The following PPP1R21 variants were observed in gnomAD, a reference collection of about 807,000 sequenced individuals.
The protein encoded by PPP1R21 is KLRAQ motif containing 1.
A neutral mutation model predicts 112.8 loss-of-function variants in PPP1R21; 85 were observed. The ratio of observed to expected loss-of-function variants is 0.75; its 90% CI spans 0.63 to 0.90. PPP1R21 has a LOEUF of 0.90. PPP1R21 is among the 40% of genes least tolerant of loss of function. The pLI, the probability that PPP1R21 is intolerant of heterozygous loss-of-function variation, is 0.00. For synonymous variants in PPP1R21, 381 were observed against 322.3 expected (o/e 1.18, Z -1.95); for missense variants, 1,199 against 901.5 (o/e 1.33, Z -4.23).
At chr2:48,485,453 A>G (rs758283718) in intron 13 of PPP1R21, among the ~76,000 whole-genome samples, 1 of 152,196 alleles carries the variant, frequency 6.6e-6, no homozygotes, top group Admixed American at 6.5e-5. Flanking sequence ...CTTTTCTGTG[A>G]CAACTGTACC....
chr2:48,488,640 T>C lies in PPP1R21; in HGVS notation c.1446+1882T>C, dbSNP rs544304814. On this transcript the variant is annotated intron_variant, in intron 14 of 21. Transcript: ENST00000294952. ...ATTAAATACTTGCATACGTCATAGT[T>C]TATTTTAGCTTTACTTTGCCTGAAA... 3.9e-5 allele frequency among the ~76,000 whole-genome samples: 6 copies of C among 152,294 alleles called. No individual in the cohort carries two copies. In the South Asian group the frequency reaches 6.2e-4, roughly 16 times the overall value.
At chr2:48,442,238 T>C (rs1667061464) in intron 1 of PPP1R21, among the ~76,000 whole-genome samples, 1 of 152,206 alleles carries the variant, frequency 6.6e-6, no homozygotes, top group African/African-American at 2.4e-5. Context: ...TTGGCAATGC[T>C]CAAATTTGGC....
intron 1 of PPP1R21, among the ~76,000 whole-genome samples, chr2:48,444,530 T>C (rs1475696757): frequency 6.6e-6 from 1 of 152,258 alleles, no homozygotes; most frequent in Non-Finnish European, 1.5e-5. Flanking sequence ...TTTAGCCTGC[T>C]TTCTTTGCGG....
intron 18 of PPP1R21, among the ~76,000 whole-genome samples, chr2:48,506,992 A>T (rs1670411190): frequency 6.6e-6 from 1 of 150,638 alleles, no homozygotes; most frequent in East Asian, 2.0e-4. Flanking sequence ...TAAAAGCTGG[A>T]TGGAGGGGCA....
intron 9 of PPP1R21, among the ~76,000 whole-genome samples, chr2:48,466,973 C>T (rs1311780423): frequency 1.3e-5 from 2 of 152,062 alleles, no homozygotes; most frequent in Non-Finnish European, 2.9e-5. Flanking sequence ...GCTTTTTGAT[C>T]GGGGGTGACA....
At chr2:48,473,629 A>C (rs1429148488) in intron 11 of PPP1R21, among the ~76,000 whole-genome samples, 1 of 152,216 alleles carries the variant, frequency 6.6e-6, no homozygotes, top group Non-Finnish European at 1.5e-5. Context: ...GTTTAGTAGT[A>C]AATGGGCTTA....
intron 19 of PPP1R21, among the ~76,000 whole-genome samples, chr2:48,507,912 C>T (rs1394237733): frequency 6.6e-6 from 1 of 150,842 alleles, no homozygotes; most frequent in Non-Finnish European, 1.5e-5. Flanking sequence ...ATTACAGGCA[C>T]CCGCCATCAT....
rs767345074 is a variant in PPP1R21 at position 48,458,146 on chromosome 2, T to A, written c.294T>A (p.Ser98=). Residue 98 remains serine, a synonymous_variant, in exon 4 of 22, where the codon TCT becomes TCA. Coordinates refer to ENST00000294952, the MANE Select transcript of PPP1R21 (RefSeq NM_001135629.3). ...KKNKKSGESS[S]QLSQEQKSVF... ...ATCAGAAAAGTGGAGAATCTTCTTCTCAGTTGAGTCAAGAGCAGAAGAGTG... is the reference window on the plus strand; with the variant it reads ...ATCAGAAAAGTGGAGAATCTTCTTCACAGTTGAGTCAAGAGCAGAAGAGTG... The A allele has an allele frequency of 6.2e-7, 1 of 1,611,556 alleles. No homozygotes were observed.
At chr2:48,479,815 C>G in intron 12 of PPP1R21, 109 bp from the exon 13 acceptor site, 4 of 747,824 alleles carry the variant, frequency 5.3e-6, no homozygotes, top group Non-Finnish European at 9.6e-6. Context: ...GGCATTATTT[C>G]TAGCACATTA....
Position 48,510,116 on chromosome 2 carries a change from G to A in PPP1R21, c.2184+3G>A, listed in dbSNP as rs375237747. On this transcript the variant is annotated splice_donor_region_variant and intron_variant, in intron 20 of 21. Transcript: ENST00000294952. ...GTCAGAACATCAGCAGACTTCAGGT[G>A]AGTTAAGTGTTACCTGAATGGTTTT... 5.6e-6 allele frequency: 9 copies of A among 1,605,286 alleles called. No individual in the cohort carries two copies. The highest frequency in any genetic ancestry group is 4.0e-5 in the African/African-American group (3 of 74,718).
In PPP1R21 at chr2:48,441,589, C is replaced by T; in HGVS notation, c.57+579C>T. 2 of 157,608 alleles carry T rather than the reference C, an allele frequency of 1.3e-5. 1 individual carries two copies. 9.8% of individuals were successfully genotyped at this position (157,608 alleles called of 1,614,324 possible). A position where few individuals can be genotyped will look rare whatever the true frequency, so the allele number is the denominator to read the frequency against. The stretch of plus-strand genomic sequence containing the variant: ...GAAAGCTTGAGTGCTACGGCTCTAT[C>T]CTTTTCTTTCTCTTGTCCCTCGGTC... On this transcript the variant is annotated intron_variant, in intron 1 of 21. Transcript: ENST00000294952.
At chr2:48,471,030 T>C in intron 9 of PPP1R21, 57 bp from the exon 10 acceptor site, 1 of 1,181,462 alleles carries the variant, frequency 8.5e-7, no homozygotes, top group South Asian at 1.2e-5. Context: ...TTTAGAAATG[T>C]GTTGATGTTT....
At chr2:48,441,716 T>A (rs1480971554) in intron 1 of PPP1R21, among the ~76,000 whole-genome samples, 1 of 152,238 alleles carries the variant, frequency 6.6e-6, no homozygotes, top group East Asian at 1.9e-4. Flanking sequence ...TTAAATGATA[T>A]AACCCTTTCC....
At chr2:48,486,458 C>A (rs541662191) in intron 13 of PPP1R21, among the ~76,000 whole-genome samples, 173 bp from the exon 14 acceptor site, 2 of 152,256 alleles carry the variant, frequency 1.3e-5, no homozygotes, top group Middle Eastern at 6.8e-3. Context: ...CTGTTCTTTC[C>A]ATGTAGATTT....
intron 12 of PPP1R21, among the ~76,000 whole-genome samples, chr2:48,476,521 T>C (rs1263104495): frequency 6.6e-6 from 1 of 152,240 alleles, no homozygotes; most frequent in Non-Finnish European, 1.5e-5. Flanking sequence ...TTTGAGGAGC[T>C]GCTGGAGTGT....
intron 15 of PPP1R21, among the ~76,000 whole-genome samples, chr2:48,494,160 G>A (rs1669700070): frequency 6.9e-6 from 1 of 145,394 alleles, no homozygotes; most frequent in Non-Finnish European, 1.5e-5. Context: ...GAGCCCTGGA[G>A]TCTGGGAGGT....
chr2:48,450,989 T>C lies in PPP1R21; in HGVS notation c.58-19T>C, dbSNP rs763036156. The C allele has an allele frequency of 1.1e-5, 18 of 1,610,400 alleles. No individual in the cohort carries two copies. The highest frequency in any genetic ancestry group is 1.5e-5 in the Non-Finnish European group (18 of 1,176,690). On this transcript the variant is annotated intron_variant, in intron 1 of 21. Transcript: ENST00000294952. ...ATTGCTTTATATTAGAAATTGATTA[T>C]TGCTTTCTCTGTTTTCAGCTTCGGG...
intron 16 of PPP1R21, among the ~76,000 whole-genome samples, chr2:48,497,851 C>A (rs1183463627): frequency 6.6e-6 from 1 of 152,046 alleles, no homozygotes; most frequent in African/African-American, 2.4e-5. Context: ...TGGGGTTTCA[C>A]TGTGTTAGCC....
At chr2:48,445,046 G>C (rs1667189197) in intron 1 of PPP1R21, among the ~76,000 whole-genome samples, 2 of 150,918 alleles carry the variant, frequency 1.3e-5, no homozygotes, top group Non-Finnish European at 2.9e-5. Flanking sequence ...TTGCTCTCCA[G>C]ATAACAGGAC....
Sources: allele counts gnomAD v4.1 joint callset (sites outside exome capture counted in the v4.1 genomes callset), GRCh38; gene constraint gnomAD v4.1.1; transcripts MANE v1.5; gene names NCBI Gene and HGNC (gene_info 2026-07-23, HGNC 2026-07-21).